The following PSMD1 variants were observed in gnomAD, a reference collection of about 807,000 sequenced individuals.
PSMD1 encodes proteasome 26S subunit, non-ATPase 1, also known as 26S proteasome non-ATPase regulatory subunit 1.
Under a neutral mutation model 119.0 loss-of-function variants are expected in PSMD1, and 18 were observed. The ratio of observed to expected loss-of-function variants is 0.15; its 90% confidence interval spans 0.10 to 0.22. PSMD1 has a LOEUF of 0.22. Ranked by LOEUF, PSMD1 falls within the 10% of genes least tolerant of loss-of-function variation. The pLI is 1.00. For missense variants in PSMD1, 702 were observed against 1,158.5 expected (o/e 0.61, Z 5.72); for synonymous variants, 374 against 396.6 (o/e 0.94, Z 0.68).
At chr2:231,075,696 T>A in intron 8 of PSMD1, 125 bp downstream of exon 8, 1 of 762,584 alleles carries the variant, frequency 1.3e-6, no homozygotes, top group Non-Finnish European at 2.1e-6. Flanking sequence ...CCTCCCACCT[T>A]AGCCTCCCAA....
intron 16 of PSMD1, among the ~76,000 whole-genome samples, chr2:231,091,772 C>T (rs533594302): frequency 3.8e-4 from 57 of 151,996 alleles, no homozygotes; most frequent in African/African-American, 1.4e-3. Flanking sequence ...TGTCTTAAGT[C>T]TGCTGTTAAA....
intron 17 of PSMD1, among the ~76,000 whole-genome samples, chr2:231,141,366 G>C (rs1696105535): frequency 6.7e-6 from 1 of 149,606 alleles, no homozygotes; most frequent in African/African-American, 2.4e-5. Flanking sequence ...AATTTGTAAA[G>C]AGACATCCCT....
chr2:231,076,305 G>C (rs17586307), intron 8 of PSMD1, among the ~76,000 whole-genome samples: 12,503 of 152,244 alleles, frequency 0.082, 652 homozygotes, highest in South Asian at 0.21. Context: ...TTTGGTTCCT[G>C]ATGCTCAGGT....
chr2:231,134,782 G>A (rs751595707), intron 16 of PSMD1, among the ~76,000 whole-genome samples: 1 of 152,294 alleles, frequency 6.6e-6, no homozygotes, highest in Non-Finnish European at 1.5e-5. Context: ...TCACAGGTAT[G>A]TCAGTTTTCC....
chr2:231,092,776 T>C lies in PSMD1; in HGVS notation c.1883+5595T>C, dbSNP rs548117930. On this transcript the variant is annotated intron_variant, in intron 16 of 24. Transcript: ENST00000308696. Reference sequence around the variant, plus strand: ...AAGTGGAATCCATTACTTTCCTGGCTATGTTCTTTAGCACAGGAAGGAATG... The same window carrying C: ...AAGTGGAATCCATTACTTTCCTGGCCATGTTCTTTAGCACAGGAAGGAATG... 4.6e-5 allele frequency among the ~76,000 whole-genome samples: 7 copies of C among 152,350 alleles called. No individual in the cohort carries two copies. In the South Asian group the frequency reaches 1.5e-3, roughly 32 times the overall value.
At chr2:231,098,437 CTCTG>C (rs1694777763) in intron 16 of PSMD1, among the ~76,000 whole-genome samples, 1 of 151,556 alleles carries the variant, frequency 6.6e-6, no homozygotes, top group South Asian at 2.1e-4. Context: ...CTCTTTGTCT[CTCTG>C]TCTCTTTCTC....
At chr2:231,163,778 CTGAG>C (rs1696693815) in intron 21 of PSMD1, 51 bp downstream of exon 21, 1 of 1,332,890 alleles carries the variant, frequency 7.5e-7, no homozygotes, top group South Asian at 1.2e-5. Context: ...ATAGGAGCCA[CTGAG>C]TATTTTACTT....
intron 16 of PSMD1, among the ~76,000 whole-genome samples, chr2:231,104,538 CCTCT>C (rs991978242): frequency 4.1e-5 from 6 of 145,180 alleles, no homozygotes; most frequent in Admixed American, 2.0e-4. Context: ...AGTTAAAAAT[CCTCT>C]CTATGTTCTC....
At chr2:231,157,501 A>G (rs1478432122) in intron 19 of PSMD1, among the ~76,000 whole-genome samples, 1 of 149,268 alleles carries the variant, frequency 6.7e-6, no homozygotes, top group African/African-American at 2.5e-5. Flanking sequence ...CTCGTGGACC[A>G]ATCAAGTTTT....
rs563375305 is a variant in PSMD1 at position 231,119,103 on chromosome 2, A to G, written c.1884-19633A>G. 5.9e-5 allele frequency among the ~76,000 whole-genome samples: 9 copies of G among 152,292 alleles called. No individual in the cohort carries two copies. The South Asian group carries it at 1.9e-3, about 32-fold the overall frequency. ...AGTGTCTAATATGATAGTGTTTTAA[A>G]TGTTTTAAGCATTTTAATGCTTACA... On this transcript the variant is annotated intron_variant, in intron 16 of 24. Transcript: ENST00000308696.
chr2:231,116,871 C>G (rs1488321980), intron 16 of PSMD1, among the ~76,000 whole-genome samples: 1 of 152,068 alleles, frequency 6.6e-6, no homozygotes, highest in Middle Eastern at 3.4e-3. Context: ...TTTCTCATTT[C>G]AAGTTTCGTG....
intron 16 of PSMD1, among the ~76,000 whole-genome samples, chr2:231,104,077 T>C (rs1694927325): frequency 7.2e-6 from 1 of 138,204 alleles, no homozygotes; most frequent in Non-Finnish European, 1.5e-5. Context: ...CATGTTTGAC[T>C]CTTAAGTTGT....
At chr2:231,089,594 G>GATATATATATATATATAT (rs140932102) in intron 16 of PSMD1, among the ~76,000 whole-genome samples, 198 of 143,126 alleles carry the variant, frequency 1.4e-3, no homozygotes, top group African/African-American at 4.9e-3. Context: ...GAATTAATAG[G>GATATATATATATATATAT]ATATATATAT....
chr2:231,088,460 C>T (rs987480716), intron 16 of PSMD1, among the ~76,000 whole-genome samples: 1 of 152,226 alleles, frequency 6.6e-6, no homozygotes, highest in Admixed American at 6.5e-5. Context: ...ATTTTTCTAA[C>T]AATGTGTGCT....
intron 16 of PSMD1, among the ~76,000 whole-genome samples, chr2:231,101,250 A>C (rs1370724528): frequency 6.6e-6 from 1 of 152,196 alleles, no homozygotes; most frequent in Non-Finnish European, 1.5e-5. Context: ...ATTTATCTAG[A>C]TAAGTTCCTT....
intron 16 of PSMD1, among the ~76,000 whole-genome samples, chr2:231,104,885 C>A (rs370252941): frequency 6.6e-6 from 1 of 152,106 alleles, no homozygotes; most frequent in African/African-American, 2.4e-5. Context: ...CATTTACTGT[C>A]GTAGCATGCT....
intron 19 of PSMD1, among the ~76,000 whole-genome samples, chr2:231,155,024 A>G (rs1431105926): frequency 1.3e-5 from 2 of 152,186 alleles, no homozygotes; most frequent in African/African-American, 4.8e-5. Context: ...TTAGACTTGG[A>G]GTTCATTTGA....
rs911661760 is a variant in PSMD1 at position 231,153,500 on chromosome 2, C to T, written c.2116-64C>T. Reference sequence around the variant, plus strand: ...ATTATCATTGGAGCAATATTATTCCCTGTTCTAAAATGGTACCGCAAATGA... The same window carrying T: ...ATTATCATTGGAGCAATATTATTCCTTGTTCTAAAATGGTACCGCAAATGA... On this transcript the variant is annotated intron_variant, in intron 18 of 24. Coordinates refer to ENST00000308696, the MANE Select transcript of PSMD1 (RefSeq NM_002807.4). 5.4e-6 allele frequency: 6 copies of T among 1,118,826 alleles called. No homozygotes were observed. The African/African-American group carries it at 9.3e-5, about 17-fold the overall frequency. 69.3% of individuals were successfully genotyped at this position (1,118,826 alleles called of 1,614,324 possible). A position where few individuals can be genotyped will look rare whatever the true frequency, so the allele number is the denominator to read the frequency against.
intron 16 of PSMD1, among the ~76,000 whole-genome samples, chr2:231,124,589 A>G (rs1029688925): frequency 1.7e-4 from 26 of 152,182 alleles, no homozygotes; most frequent in African/African-American, 4.6e-4. Context: ...AGAGAAGGAA[A>G]AAAAAAGGTA....
Sources: allele counts gnomAD v4.1 joint callset (sites outside exome capture counted in the v4.1 genomes callset), GRCh38; gene constraint gnomAD v4.1.1; transcripts MANE v1.5; gene names NCBI Gene and HGNC (gene_info 2026-07-23, HGNC 2026-07-21).